PLCB1: variants seen among roughly 807,000 people sequenced by gnomAD.
The protein encoded by PLCB1 is 1-phosphatidylinositol 4,5-bisphosphate phosphodiesterase beta-1.
In PLCB1, 46 loss-of-function variants were observed where a neutral mutation model predicts 161.8. That is an observed-to-expected ratio of 0.28 (90% CI 0.22 to 0.36). PLCB1 has a LOEUF of 0.36. Ranked by LOEUF, PLCB1 falls within the 10% of genes least tolerant of loss-of-function variation. PLCB1 has a pLI of 1.00. For missense variants in PLCB1, 1,016 were observed against 1,472.5 expected (o/e 0.69, Z 5.07); for synonymous variants, 517 against 503.7 (o/e 1.03, Z -0.35).
chr20:8,543,537 A>G (rs1236086165), intron 3 of PLCB1, among the ~76,000 whole-genome samples: 1 of 150,692 alleles, frequency 6.6e-6, no homozygotes. Flanking sequence ...AATTACACTC[A>G]TGTATATATT....
At position 8,775,626 on chromosome 20, in the gene PLCB1, T is replaced by A. The variant is rs113657762; in HGVS notation, c.3111+907T>A. On this transcript the variant is annotated intron_variant, in intron 27 of 31. Transcript: ENST00000338037. ...TAATTCTGTTGTTCTAGGATAACAG[T>A]CCCCAGTGACTGTATGCAATGAGTA... is the stretch of plus-strand genomic sequence containing the variant. 2.7e-3 allele frequency among the ~76,000 whole-genome samples: 415 copies of A among 152,258 alleles called. 2 individuals are homozygous for A. Among genetic ancestry groups the A allele is most frequent in the African/African-American group, 9.3e-3 (388 of 41,554 alleles).
chr20:8,383,050 C>T (rs1327030311), intron 3 of PLCB1, among the ~76,000 whole-genome samples: 2 of 151,994 alleles, frequency 1.3e-5, no homozygotes, highest in Admixed American at 1.3e-4. Context: ...CTGTTAGGTC[C>T]CGTTGATCCA....
intron 31 of PLCB1, among the ~76,000 whole-genome samples, chr20:8,818,616 C>T (rs1004608210): frequency 2.0e-5 from 3 of 151,968 alleles, no homozygotes; most frequent in Admixed American, 2.0e-4. Context: ...CATATATAAG[C>T]AACAGGCAGC....
intron 2 of PLCB1, among the ~76,000 whole-genome samples, chr20:8,356,853 C>T (rs544656730): frequency 3.3e-5 from 5 of 152,096 alleles, no homozygotes; most frequent in Admixed American, 2.6e-4. Flanking sequence ...GAATACGTTG[C>T]AAAGATATTA....
intron 2 of PLCB1, among the ~76,000 whole-genome samples, chr20:8,310,419 A>G (rs952002159): frequency 6.6e-6 from 1 of 152,186 alleles, no homozygotes; most frequent in Non-Finnish European, 1.5e-5. Context: ...GCCTTTTACC[A>G]AGAGTATATA....
chr20:8,315,232 C>T (rs986103389), intron 2 of PLCB1, among the ~76,000 whole-genome samples: 2 of 152,084 alleles, frequency 1.3e-5, no homozygotes, highest in Non-Finnish European at 2.9e-5. Flanking sequence ...GAGGAAGTAA[C>T]ATATATGTAG....
intron 2 of PLCB1, among the ~76,000 whole-genome samples, chr20:8,258,160 G>A (rs920577617): frequency 3.3e-5 from 5 of 152,060 alleles, no homozygotes; most frequent in Non-Finnish European, 5.9e-5. Flanking sequence ...TAAAGAGTAC[G>A]TGAAGCCTAA....
In PLCB1 at chr20:8,763,602, G is replaced by A. The variant is rs185173157; in HGVS notation, c.2711-1537G>A. ...GAGTTTTGCCATGTTGGCCAGGCTG[G>A]TCTCGAACTCCTGACCTCAGATATC... On this transcript the variant is annotated intron_variant, in intron 25 of 31. Coordinates refer to ENST00000338037, the MANE Select transcript of PLCB1 (RefSeq NM_015192.4). Among the ~76,000 whole-genome samples the A allele has an allele frequency of 3.2e-3, 487 of 152,032 alleles. 4 individuals carry two copies. Among genetic ancestry groups the A allele is most frequent in the African/African-American group, 0.01 (431 of 41,508 alleles).
chr20:8,463,179 GTGTC>G (rs1270784087), intron 3 of PLCB1, among the ~76,000 whole-genome samples: 56 of 143,004 alleles, frequency 3.9e-4, no homozygotes, highest in African/African-American at 1.3e-3. Flanking sequence ...GTGTGTGTGT[GTGTC>G]TGTGTATGTG....
chr20:8,265,450 A>G (rs915743427), intron 2 of PLCB1, among the ~76,000 whole-genome samples: 11 of 152,186 alleles, frequency 7.2e-5, no homozygotes, highest in African/African-American at 2.7e-4. Context: ...GATCATGTCT[A>G]ACTGAACACA....
intron 31 of PLCB1, among the ~76,000 whole-genome samples, chr20:8,877,826 G>T (rs1600110219): frequency 6.6e-6 from 1 of 152,310 alleles, no homozygotes; most frequent in Non-Finnish European, 1.5e-5. Context: ...TGTTTAAAAA[G>T]AGTGAAATAT....
chr20:8,630,014 T>TCTTTCCTTTCTTTCCTC (rs1988531206), intron 4 of PLCB1, among the ~76,000 whole-genome samples: 1 of 137,768 alleles, frequency 7.3e-6, no homozygotes, highest in African/African-American at 2.7e-5. Context: ...TTCTTTCTCT[T>TCTTTCCTTTCTTTCCTC]TCTTCTTTCC....
At chr20:8,745,022 G>A (rs1414155252) in intron 23 of PLCB1, among the ~76,000 whole-genome samples, 1 of 152,034 alleles carries the variant, frequency 6.6e-6, no homozygotes, top group Non-Finnish European at 1.5e-5. Flanking sequence ...GTTTAAATTT[G>A]GACAGTATTT....
chr20:8,481,058 C>T (rs1444607064), intron 3 of PLCB1, among the ~76,000 whole-genome samples: 2 of 152,094 alleles, frequency 1.3e-5, no homozygotes, highest in East Asian at 1.9e-4. Context: ...GAGCCAAGAG[C>T]GCACCACTGC....
intron 27 of PLCB1, among the ~76,000 whole-genome samples, chr20:8,780,160 G>T (rs1166330373): frequency 1.3e-5 from 2 of 152,140 alleles, no homozygotes; most frequent in African/African-American, 4.8e-5. Flanking sequence ...TTAGGGTGAG[G>T]TTTTAATTTT....
chr20:8,725,115 T>C (rs991372209), intron 16 of PLCB1, among the ~76,000 whole-genome samples: 17 of 152,134 alleles, frequency 1.1e-4, no homozygotes, highest in African/African-American at 3.9e-4. Context: ...AGTGATAATG[T>C]TGAAATAAAC....
intron 3 of PLCB1, among the ~76,000 whole-genome samples, chr20:8,475,700 T>C (rs1049176710): frequency 6.6e-6 from 1 of 152,316 alleles, no homozygotes; most frequent in East Asian, 1.9e-4. Flanking sequence ...TTGGTAGATA[T>C]ATAACATCTT....
chr20:8,230,448 C>G (rs572068533), intron 2 of PLCB1, among the ~76,000 whole-genome samples: 3 of 149,840 alleles, frequency 2.0e-5, no homozygotes, highest in Non-Finnish European at 4.4e-5. Flanking sequence ...TTGAAATAAA[C>G]AATATATACA....
chr20:8,869,651 A>G (rs1172043646), intron 31 of PLCB1, among the ~76,000 whole-genome samples: 8 of 152,248 alleles, frequency 5.3e-5, no homozygotes, highest in Non-Finnish European at 7.3e-5. Context: ...AATACCAAAT[A>G]ACAGACACAA....
Sources: allele counts gnomAD v4.1 joint callset (sites outside exome capture counted in the v4.1 genomes callset), GRCh38; gene constraint gnomAD v4.1.1; transcripts MANE v1.5; gene names NCBI Gene and HGNC (gene_info 2026-07-23, HGNC 2026-07-21).